Variants in PKHD1L1 observed in about 807,000 individuals in gnomAD.
PKHD1L1 encodes the protein fibrocystin-L.
A neutral mutation model predicts 462.9 loss-of-function variants in PKHD1L1; 434 were observed. The ratio of observed to expected loss-of-function variants is 0.94; its 90% CI spans 0.87 to 1.02. PKHD1L1 has a LOEUF of 1.02. Among genes scored for constraint, PKHD1L1 ranks in the 50% least tolerant of loss-of-function variants. The pLI is 0.00. For synonymous variants in PKHD1L1, 1,781 were observed against 1,750.0 expected, an observed-to-expected ratio of 1.02 and a Z score of -0.44; for missense variants, 5,202 against 5,096.1, an observed-to-expected ratio of 1.02 and a Z score of -0.63.
Position 109,442,138 on chromosome 8 carries a change from G to C in PKHD1L1, c.4336G>C (p.Gly1446Arg), listed in dbSNP as rs1231848638. The C allele has an allele frequency of 6.2e-7, 1 of 1,613,070 alleles. No homozygotes were observed. Among genetic ancestry groups the C allele is most frequent in the Non-Finnish European group, 8.5e-7 (1 of 1,179,506 alleles). The stretch of plus-strand genomic sequence containing the variant: ...TAGGATTTTTTCTGTCTCCAGTCCT[G>C]GAAGTGTAATTTATGATGGCAAAGG... ...GYRIFSVSSP[G>R]SVIYDGKGFT... Residue 1446 changes from glycine to arginine, a missense_variant, in exon 35 of 78, where the codon GGA becomes CGA. By Grantham distance (125) the Gly-to-Arg change is moderately radical. Transcript: ENST00000378402.
chr8:109,426,452 T>A (rs889281753), intron 24 of PKHD1L1, among the ~76,000 whole-genome samples: 2 of 151,864 alleles, frequency 1.3e-5, no homozygotes, highest in Non-Finnish European at 2.9e-5. Flanking sequence ...ATATAATTTT[T>A]AAAAATAATT....
At position 109,491,014 on chromosome 8, in the gene PKHD1L1, C is replaced by T. The variant is rs1818796992; in HGVS notation, c.10027C>T (p.His3343Tyr). 2 of 1,609,322 alleles carry T rather than the reference C, an allele frequency of 1.2e-6. No homozygotes were observed. Among genetic ancestry groups the T allele is most frequent in the Non-Finnish European group, 1.7e-6 (2 of 1,176,720 alleles). ...GSSYIRGCAF[H>Y]HGFSPAIGVF... ...ATCTTATATTCGAGGCTGTGCTTTTCACCATGGCTTCTCTCCAGCAATTGG... is the reference window on the plus strand; with the variant it reads ...ATCTTATATTCGAGGCTGTGCTTTTTACCATGGCTTCTCTCCAGCAATTGG... The change falls in exon 61 of 78, where the codon CAC becomes TAC. Residue 3343 changes from histidine (H) to tyrosine (Y), a missense_variant. This residue lies in a region of PKHD1L1 where 4,497 missense variants were observed against 4,336.8 expected (regional missense o/e 1.04). Transcript: ENST00000378402.
chr8:109,502,280 C>A (rs1421278183), intron 67 of PKHD1L1, among the ~76,000 whole-genome samples: 1 of 152,078 alleles, frequency 6.6e-6, no homozygotes, highest in African/African-American at 2.4e-5. Context: ...AAAGTCATTC[C>A]AGCAACATAT....
At chr8:109,479,777 G>A (rs1383166398) in intron 54 of PKHD1L1, 138 bp downstream of exon 54, 12 of 816,368 alleles carry the variant, frequency 1.5e-5, no homozygotes, top group South Asian at 7.9e-5. Flanking sequence ...AATGCATCCC[G>A]GATACTAAAC....
chr8:109,496,850 A>G, intron 63 of PKHD1L1, 69 bp from the exon 64 acceptor site: 1 of 1,471,952 alleles, frequency 6.8e-7, no homozygotes, highest in Non-Finnish European at 9.2e-7. Flanking sequence ...ACTTTAACTG[A>G]TACTGCTTAT....
At chr8:109,381,026 G>C (rs1373751007) in intron 2 of PKHD1L1, among the ~76,000 whole-genome samples, 2 of 152,156 alleles carry the variant, frequency 1.3e-5, no homozygotes, top group African/African-American at 4.8e-5. Flanking sequence ...GGGAAATACA[G>C]TATTCACCAG....
intron 59 of PKHD1L1, 68 bp downstream of exon 59, chr8:109,486,889 C>T: frequency 1.4e-6 from 2 of 1,382,438 alleles, no homozygotes; most frequent in African/African-American, 1.5e-5. Flanking sequence ...GTAGTCAGCT[C>T]TTACATAATT....
In PKHD1L1 at chr8:109,475,106, G is replaced by A. The variant is rs147802969; in HGVS notation, c.8606-12G>A. The A allele has an allele frequency of 8.1e-3, 12,888 of 1,586,884 alleles. 67 individuals are homozygous for A. Among genetic ancestry groups the A allele is most frequent in the Middle Eastern group, 0.012 (68 of 5,882 alleles). On this transcript the variant is annotated splice_polypyrimidine_tract_variant and intron_variant, in intron 50 of 77. Transcript: ENST00000378402. ...GATTACTATTATTTTCTTGTTCTAT[G>A]TTCTCCTATAGGCACAAGCATTATT...
chr8:109,366,031 A>G (rs528266038), intron 2 of PKHD1L1, among the ~76,000 whole-genome samples: 2 of 152,306 alleles, frequency 1.3e-5, no homozygotes, highest in East Asian at 1.9e-4. Flanking sequence ...CCAGACCTGA[A>G]CATTTTCTGA....
Position 109,464,336 on chromosome 8 carries a change from G to A in PKHD1L1, c.7504G>A (p.Ala2502Thr). ...TGCAATTCACCAGGCCTATAACAGAGCTGTTACTATTCATAACACACACCA... is the reference window on the plus strand; with the variant it reads ...TGCAATTCACCAGGCCTATAACAGAACTGTTACTATTCATAACACACACCA... ...GCAIHQAYNRAVTIHNTHHLL... is the reference protein window; with the variant it reads ...GCAIHQAYNRTVTIHNTHHLL... The change falls in exon 49 of 78, where the codon GCT (alanine) becomes ACT (threonine). Residue 2502 changes from alanine (A) to threonine (T), a missense_variant. By Grantham distance (58) the Ala-to-Thr change is moderately conservative (BLOSUM62 0). Coordinates refer to ENST00000378402, the MANE Select transcript of PKHD1L1 (RefSeq NM_177531.6). 1 of 1,613,192 alleles carries A rather than the reference G, an allele frequency of 6.2e-7. No individual in the cohort carries two copies. The highest frequency in any genetic ancestry group is 1.3e-5 in the African/African-American group (1 of 74,954).
rs920303206 is a variant in PKHD1L1 at position 109,461,917 on chromosome 8, C to T, written c.7383+9C>T. 2 of 1,590,572 alleles carry T rather than the reference C, an allele frequency of 1.3e-6. No homozygotes were observed. Among genetic ancestry groups the T allele is most frequent in the East Asian group, 2.3e-5 (1 of 44,202 alleles). ...GAATAGAATATGTAGAGGTGAGAGG[C>T]ATTATTACTAAATCACAGTGGTTTG... is the stretch of plus-strand genomic sequence containing the variant. On this transcript the variant is annotated intron_variant, in intron 48 of 77. Transcript: ENST00000378402.
chr8:109,412,462 G>C, intron 20 of PKHD1L1, 48 bp downstream of exon 20: 1 of 1,490,636 alleles, frequency 6.7e-7, no homozygotes, highest in Non-Finnish European at 9.0e-7. Flanking sequence ...AAATACCTTG[G>C]TAATAAAATT....
At chr8:109,509,741 G>A (rs1435097589) in intron 70 of PKHD1L1, among the ~76,000 whole-genome samples, 1 of 151,734 alleles carries the variant, frequency 6.6e-6, no homozygotes, top group Non-Finnish European at 1.5e-5. Context: ...TTTAAAAGTA[G>A]GATTTATATT....
chr8:109,398,583 A>G, intron 12 of PKHD1L1, 35 bp downstream of exon 12: 1 of 1,022,320 alleles, frequency 9.8e-7, no homozygotes, highest in Non-Finnish European at 1.4e-6. Flanking sequence ...CCATTTCTAT[A>G]TTCACATAAA....
intron 3 of PKHD1L1, among the ~76,000 whole-genome samples, 192 bp from the exon 4 acceptor site, chr8:109,382,271 G>T (rs1168299834): frequency 6.6e-6 from 1 of 152,136 alleles, no homozygotes. Context: ...TGAGGTTAGA[G>T]TTTGCAATAA....
intron 48 of PKHD1L1, 91 bp from the exon 49 acceptor site, chr8:109,464,125 A>G: frequency 1.2e-6 from 1 of 828,182 alleles, no homozygotes; most frequent in Middle Eastern, 4.0e-4. Flanking sequence ...TATATTAATA[A>G]TAATATAAAA....
At position 109,468,320 on chromosome 8, in the gene PKHD1L1, C is replaced by T. The variant is rs141955544; in HGVS notation, c.8605+1551C>T. ...AGTCTTTTAGATTTTATATATGATT[C>T]AGGAAGGCAGGTATTTCTGCATTTA... On this transcript the variant is annotated intron_variant, in intron 50 of 77. Coordinates refer to ENST00000378402, the MANE Select transcript of PKHD1L1 (RefSeq NM_177531.6). Among the ~76,000 whole-genome samples, 488 of 152,270 alleles carry T rather than the reference C, an allele frequency of 3.2e-3. 3 individuals are homozygous for T. The highest frequency in any genetic ancestry group is 0.011 in the African/African-American group (442 of 41,552).
At chr8:109,409,320 C>A (rs1813718988) in intron 18 of PKHD1L1, among the ~76,000 whole-genome samples, 1 of 151,914 alleles carries the variant, frequency 6.6e-6, no homozygotes. Flanking sequence ...GTGATCTCCA[C>A]TCACTGCAAC....
intron 77 of PKHD1L1, among the ~76,000 whole-genome samples, chr8:109,528,805 G>A (rs1352745575): frequency 4.6e-5 from 7 of 152,118 alleles, no homozygotes; most frequent in South Asian, 4.1e-4. Context: ...TTATAAGTAC[G>A]AAAAATCTGG....
Sources: gnomAD v4.1 joint callset for allele counts (sites outside exome capture counted in the v4.1 genomes callset) on GRCh38, gnomAD v4.1.1 for gene constraint, gnomAD v4.1.1 regional missense constraint, MANE v1.5 for transcripts, NCBI Gene and HGNC (gene_info 2026-07-23, HGNC 2026-07-21) for gene names.